AFF3: variants seen among roughly 807,000 people sequenced by gnomAD.
The protein encoded by AFF3 is AF4/FMR2 family member 3.
Under a neutral mutation model 129.7 loss-of-function variants are expected in AFF3, and 32 were observed. That is an observed-to-expected ratio of 0.25 (90% CI 0.19 to 0.33). The LOEUF is 0.33. Among genes scored for constraint, AFF3 ranks in the 10% least tolerant of loss-of-function variants. The pLI, the probability that AFF3 is intolerant of heterozygous loss-of-function variation, is 1.00. For synonymous variants in AFF3, 644 were observed against 635.4 expected, an observed-to-expected ratio of 1.01 and a Z score of -0.20; for missense variants, 1,373 against 1,592.0, an observed-to-expected ratio of 0.86 and a Z score of 2.34.
chr2:99,631,195 C>T (rs1478659388), intron 13 of AFF3, among the ~76,000 whole-genome samples: 1 of 152,192 alleles, frequency 6.6e-6, no homozygotes, highest in Non-Finnish European at 1.5e-5. Flanking sequence ...CAAAGAACCC[C>T]AGCCCCAGGT....
intron 13 of AFF3, among the ~76,000 whole-genome samples, chr2:99,608,713 CAA>C (rs1680620145): frequency 6.6e-6 from 1 of 152,266 alleles, no homozygotes; most frequent in East Asian, 1.9e-4. Flanking sequence ...TACCTGGAAA[CAA>C]GAGCTCATTA....
intron 11 of AFF3, among the ~76,000 whole-genome samples, chr2:99,683,545 G>A (rs1178536518): frequency 6.6e-6 from 1 of 151,938 alleles, no homozygotes; most frequent in Non-Finnish European, 1.5e-5. Flanking sequence ...GACCTCCCAG[G>A]CTCAAGTGAT....
chr2:99,690,497 A>G, intron 11 of AFF3, among the ~76,000 whole-genome samples: 1 of 152,150 alleles, frequency 6.6e-6, no homozygotes. Flanking sequence ...CACAATCTTT[A>G]AAGTTCATTG....
chr2:99,938,284 A>C (rs1172380144), intron 7 of AFF3, among the ~76,000 whole-genome samples: 1 of 152,202 alleles, frequency 6.6e-6, no homozygotes, highest in Non-Finnish European at 1.5e-5. Context: ...CTAGCTATGG[A>C]AACTGTGGGC....
chr2:100,105,961 C>G lies in AFF3; in HGVS notation c.-144-378G>C, dbSNP rs769647721. The G allele has an allele frequency of 3.0e-6, 4 of 1,327,266 alleles. No homozygotes were observed. The South Asian group carries it at 4.9e-5, about 16-fold the overall frequency. The allele number at this position is 1,327,266 out of a possible 1,614,324, so 82.2% of individuals were successfully genotyped here. A position where few individuals can be genotyped will look rare whatever the true frequency, so the allele number is the denominator to read the frequency against. Reference sequence around the variant, plus strand: ...GGGCAAGAACCGCTGACTGGGGCTGCCAGAAATGTAAACCCTGGGTGCAAG... The same window carrying G: ...GGGCAAGAACCGCTGACTGGGGCTGGCAGAAATGTAAACCCTGGGTGCAAG... On this transcript the variant is annotated intron_variant, in intron 2 of 24. Coordinates refer to ENST00000672756, the MANE Select transcript of AFF3 (RefSeq NM_001386135.1).
intron 4 of AFF3, among the ~76,000 whole-genome samples, chr2:100,033,055 C>G (rs111339794): frequency 6.6e-5 from 10 of 152,258 alleles, no homozygotes; most frequent in African/African-American, 2.4e-4. Context: ...TTTCCACATA[C>G]AATTTTGTAC....
chr2:100,032,663 A>C (rs1038356912), intron 4 of AFF3, among the ~76,000 whole-genome samples: 2 of 152,218 alleles, frequency 1.3e-5, no homozygotes, highest in African/African-American at 2.4e-5. Context: ...CAATTGACCC[A>C]CTAATGGTTA....
chr2:100,025,069 GTA>G (rs1053638792), intron 4 of AFF3, among the ~76,000 whole-genome samples: 1 of 152,080 alleles, frequency 6.6e-6, no homozygotes. Context: ...CATGAAAAAT[GTA>G]AAATTAAGGT....
intron 7 of AFF3, among the ~76,000 whole-genome samples, chr2:99,922,107 T>C (rs935863760): frequency 6.6e-6 from 1 of 152,146 alleles, no homozygotes; most frequent in African/African-American, 2.4e-5. Context: ...ACTGGAACTC[T>C]AAAAAACCGC....
At chr2:100,106,086 C>T (rs1691275953) in intron 2 of AFF3, 3 of 1,294,338 alleles carry the variant, frequency 2.3e-6, no homozygotes, top group South Asian at 2.5e-5. Flanking sequence ...AGGTAGAAGA[C>T]CAAAAGGCCA....
intron 7 of AFF3, among the ~76,000 whole-genome samples, chr2:99,892,181 T>C (rs1693618792): frequency 6.6e-6 from 1 of 152,204 alleles, no homozygotes; most frequent in South Asian, 2.1e-4. Flanking sequence ...AAGGAAAATA[T>C]ATGGGCTCCA....
chr2:100,078,099 TCCAAC>T (rs1167600922), intron 4 of AFF3, among the ~76,000 whole-genome samples: 2 of 152,210 alleles, frequency 1.3e-5, no homozygotes, highest in Non-Finnish European at 1.5e-5. Context: ...TTTTGCATAT[TCCAAC>T]TAGAAAGCAG....
rs145152505 is a variant in AFF3 at position 99,965,252 on chromosome 2, G to A, written c.873+41380C>T. On this transcript the variant is annotated intron_variant, in intron 7 of 24. Transcript: ENST00000672756. ...AAAGAAAGGACATGTGGCTCAGAAG[G>A]ATGGTTGAAGAAACCATGCTAACAA... 3.0e-3 allele frequency among the ~76,000 whole-genome samples: 452 copies of A among 152,322 alleles called. 2 individuals carry two copies. Among genetic ancestry groups the A allele is most frequent in the Non-Finnish European group, 5.2e-3 (357 of 68,030 alleles).
At position 99,906,492 on chromosome 2, in the gene AFF3, A is replaced by G. The variant is rs79035737; in HGVS notation, c.874-68968T>C. Among the ~76,000 whole-genome samples the G allele has an allele frequency of 4.3e-3, 658 of 152,292 alleles. 7 individuals carry two copies. Among genetic ancestry groups the G allele is most frequent in the African/African-American group, 0.015 (609 of 41,566 alleles). On this transcript the variant is annotated intron_variant, in intron 7 of 24. Transcript: ENST00000672756. The stretch of plus-strand genomic sequence containing the variant: ...TCAGTCCCCAGTCATTCAATCAAAC[A>G]GAAAGGTTATTCAATCCAGGTCTTT...
intron 11 of AFF3, among the ~76,000 whole-genome samples, chr2:99,712,863 AC>A (rs1678021464): frequency 6.6e-6 from 1 of 152,258 alleles, no homozygotes; most frequent in Admixed American, 6.5e-5. Context: ...AAATGGATAA[AC>A]AAAATGTGGT....
intron 8 of AFF3, among the ~76,000 whole-genome samples, chr2:99,833,363 T>C (rs1688643452): frequency 1.3e-5 from 2 of 152,170 alleles, no homozygotes; most frequent in African/African-American, 2.4e-5. Context: ...CAAGTACTAC[T>C]TACCCCCTTC....
chr2:99,553,440 T>C (rs1674594627), intron 24 of AFF3, among the ~76,000 whole-genome samples: 1 of 152,196 alleles, frequency 6.6e-6, no homozygotes, highest in Non-Finnish European at 1.5e-5. Context: ...TAGTTTGCAT[T>C]TCATGGAGTG....
intron 13 of AFF3, among the ~76,000 whole-genome samples, chr2:99,627,603 T>C (rs7561948): frequency 0.47 from 71,834 of 152,018 alleles, 17,258 homozygotes; most frequent in East Asian, 0.67. Flanking sequence ...CAATTTTTGC[T>C]TTTATTGCAA....
chr2:99,683,773 G>A (rs375447726), intron 11 of AFF3, among the ~76,000 whole-genome samples: 77 of 152,258 alleles, frequency 5.1e-4, no homozygotes, highest in African/African-American at 1.8e-3. Context: ...GACCACCTCC[G>A]ACGAGCACAT....
Sources: allele counts gnomAD v4.1 joint callset (sites outside exome capture counted in the v4.1 genomes callset), GRCh38; gene constraint gnomAD v4.1.1; transcripts MANE v1.5; gene names NCBI Gene and HGNC (gene_info 2026-07-23, HGNC 2026-07-21).